The following INSR variants were observed in gnomAD, a reference collection of about 807,000 sequenced individuals.
INSR encodes the protein insulin receptor, also known as IR.
INSR carries 67 observed loss-of-function variants against 142.6 expected under a neutral mutation model. That is an observed-to-expected ratio of 0.47 (90% confidence interval 0.39 to 0.58). The LOEUF is 0.58. Among genes scored for constraint, INSR ranks in the 20% least tolerant of loss-of-function variants. The pLI is 0.00. For missense variants in INSR, 1,248 were observed against 1,833.2 expected, an observed-to-expected ratio of 0.68 and a Z score of 5.83; for synonymous variants, 756 against 743.1, an observed-to-expected ratio of 1.02 and a Z score of -0.28.
rs1972256339 is a variant in INSR at position 7,113,685 on chromosome 19, T to G, written c.*3371A>C. ...GTTGTTGCAACTTAACACTACAAAC[T>G]CCCAGGACAACCGTGTCTTTCTAGG... is the stretch of plus-strand genomic sequence containing the variant. On this transcript the variant is annotated 3_prime_UTR_variant, in exon 22 of 22. Coordinates refer to ENST00000302850, the MANE Select transcript of INSR (RefSeq NM_000208.4). 1 of 152,206 alleles carries G rather than the reference T, an allele frequency of 6.6e-6. No homozygotes were observed. Among genetic ancestry groups the G allele is most frequent in the South Asian group, 2.1e-4 (1 of 4,828 alleles). The allele number at this position is 152,206 out of a possible 1,614,324, so 9.4% of individuals were successfully genotyped here.
At chr19:7,223,858 A>G (rs1489961784) in intron 2 of INSR, among the ~76,000 whole-genome samples, 2 of 152,092 alleles carry the variant, frequency 1.3e-5, no homozygotes, top group Admixed American at 1.3e-4. Context: ...AGGTGCTTCA[A>G]AGCCCTCAAC....
At position 7,147,513 on chromosome 19, in the gene INSR, T is replaced by G. The variant is rs1460680412; in HGVS notation, c.2267+2984A>C. Among the ~76,000 whole-genome samples, 5 of 152,138 alleles carry G rather than the reference T, an allele frequency of 3.3e-5. No homozygotes were observed. In the East Asian group the frequency reaches 7.7e-4, roughly 23 times the overall value. On this transcript the variant is annotated intron_variant, in intron 11 of 21. Transcript: ENST00000302850. The stretch of plus-strand genomic sequence containing the variant: ...CTTTTAACCACCAAGAAGTGAAGTT[T>G]TCTGTTTAATCTTTTGAAATTAACT...
chr19:7,125,649 G>A lies in INSR; in HGVS notation c.3014-122C>T, dbSNP rs886700804. On this transcript the variant is annotated intron_variant, in intron 16 of 21. Transcript: ENST00000302850. This position sits in a 1 kb window ranked among gnomAD's most constrained non-coding sequence, Gnocchi z 4.9. The stretch of plus-strand genomic sequence containing the variant: ...CTCATGAAATGAGTTCTGTGATCCA[G>A]GACCCATGCCGGGCACTGGGCATAT... 10 of 1,361,844 alleles carry A rather than the reference G, an allele frequency of 7.3e-6. No individual in the cohort carries two copies. The highest frequency in any genetic ancestry group is 2.9e-5 in the African/African-American group (2 of 70,158). 84.4% of individuals were successfully genotyped at this position (1,361,844 alleles called of 1,614,324 possible).
chr19:7,190,615 C>T (rs1264698944), intron 2 of INSR, among the ~76,000 whole-genome samples: 1 of 152,078 alleles, frequency 6.6e-6, no homozygotes, highest in Non-Finnish European at 1.5e-5. Flanking sequence ...CGGGATCCAC[C>T]CATCTTGGCC....
chr19:7,255,361 T>C (rs183666929), intron 2 of INSR, among the ~76,000 whole-genome samples: 10 of 152,228 alleles, frequency 6.6e-5, no homozygotes, highest in Admixed American at 4.6e-4. Context: ...CATGACGGCA[T>C]TGGAGCCCAT....
chr19:7,237,929 C>A (rs1250254424), intron 2 of INSR, among the ~76,000 whole-genome samples: 1 of 151,960 alleles, frequency 6.6e-6, no homozygotes, highest in Non-Finnish European at 1.5e-5. Flanking sequence ...GAACTAATAT[C>A]CTCTCATCCC....
chr19:7,224,583 C>T (rs1419460802), intron 2 of INSR, among the ~76,000 whole-genome samples: 1 of 152,174 alleles, frequency 6.6e-6, no homozygotes, highest in African/African-American at 2.4e-5. Flanking sequence ...ACATCTCGAC[C>T]AGAGGAAGGA....
At chr19:7,238,617 C>CAAAAAAAAA (rs796144540) in intron 2 of INSR, among the ~76,000 whole-genome samples, 2 of 68,984 alleles carry the variant, frequency 2.9e-5, no homozygotes, top group Admixed American at 2.0e-4. Flanking sequence ...TGCTCCATCT[C>CAAAAAAAAA]AAAAAAAAAA....
rs777486535 is a variant in INSR at position 7,166,205 on chromosome 19, G to A, written c.1810C>T (p.Arg604Trp). 14 of 1,613,932 alleles carry A rather than the reference G, an allele frequency of 8.7e-6. No individual in the cohort carries two copies. The highest frequency in any genetic ancestry group is 1.1e-5 in the Non-Finnish European group (13 of 1,180,036). ...KTLVTFSDER[R>W]TYGAKSDIIY... ...ATGTCACTCTTGGCCCCATAGGTCC[G>A]GCGTTCATCCGAAAAGGTGACCAGG... is the stretch of plus-strand genomic sequence containing the variant. The change falls in exon 8 of 22, where the codon CGG becomes TGG. Residue 604 changes from arginine to tryptophan, a missense_variant. By Grantham distance (101) the Arg-to-Trp change is moderately radical. This residue lies in a region of INSR where 1,069 missense variants were observed against 1,654.0 expected (regional missense o/e 0.65). Transcript: ENST00000302850. This position sits in a 1 kb window ranked among gnomAD's most constrained non-coding sequence, Gnocchi z 4.1.
At chr19:7,174,029 T>A (rs1225890376) in intron 4 of INSR, among the ~76,000 whole-genome samples, 1 of 151,702 alleles carries the variant, frequency 6.6e-6, no homozygotes, top group Non-Finnish European at 1.5e-5. Flanking sequence ...ATGCCTGTAA[T>A]CCCTGCACTT....
chr19:7,137,798 CAAAAAAAAAAAAAA>C (rs1176523364), intron 13 of INSR, among the ~76,000 whole-genome samples: 1 of 41,482 alleles, frequency 2.4e-5, no homozygotes, highest in Non-Finnish European at 3.9e-5. Context: ...GACTCCATCT[CAAAAAAAAAAAAAA>C]AAAAAAAAAA....
intron 1 of INSR, among the ~76,000 whole-genome samples, chr19:7,270,212 TGCTGG>T (rs1428968349): frequency 6.6e-6 from 1 of 152,086 alleles, no homozygotes; most frequent in Non-Finnish European, 1.5e-5. Flanking sequence ...CCTCCCAAAT[TGCTGG>T]GATTACGGGC....
chr19:7,286,416 CG>C (rs1968345816), intron 1 of INSR, among the ~76,000 whole-genome samples: 2 of 151,848 alleles, frequency 1.3e-5, no homozygotes, highest in African/African-American at 4.8e-5. Context: ...GAGACAGGGT[CG>C]GGCTCTATCA....
Position 7,146,269 on chromosome 19 carries a change from T to C in INSR, c.2268-3179A>G, listed in dbSNP as rs147933535. 6.3e-3 allele frequency among the ~76,000 whole-genome samples: 914 copies of C among 145,870 alleles called. 10 individuals carry two copies. Among genetic ancestry groups the C allele is most frequent in the East Asian group, 0.039 (199 of 5,060 alleles). On this transcript the variant is annotated intron_variant, in intron 11 of 21. Coordinates refer to ENST00000302850, the MANE Select transcript of INSR (RefSeq NM_000208.4). ...TTTTTTTTTTTTTTTGAGACAGAGT[T>C]TTGCTCTGTTGCCAGGCTGGAGTGT... is the stretch of plus-strand genomic sequence containing the variant.
intron 10 of INSR, chr19:7,152,389 A>AG (rs1185588160): frequency 1.2e-5 from 4 of 340,458 alleles, no homozygotes; most frequent in African/African-American, 2.2e-5. Context: ...AAAAAAAAAA[A>AG]AAAAAGAGAG....
Position 7,294,368 on chromosome 19 carries a change from C to G in INSR, c.-477G>C, listed in dbSNP as rs900996571. Among the ~76,000 whole-genome samples, 10 of 151,552 alleles carry G rather than the reference C, an allele frequency of 6.6e-5. No individual in the cohort carries two copies. Among genetic ancestry groups the G allele is most frequent in the South Asian group, 2.1e-4 (1 of 4,816 alleles). On this transcript the variant is annotated 5_prime_UTR_variant, in exon 1 of 22. Transcript: ENST00000302850. The stretch of plus-strand genomic sequence containing the variant: ...GCTCGGGCCCGTAAACAACGCGGCC[C>G]GTCAGCTGGGCCCCGTGCGGGCCGC...
intron 2 of INSR, among the ~76,000 whole-genome samples, chr19:7,228,036 A>G (rs1192510261): frequency 6.6e-6 from 1 of 151,956 alleles, no homozygotes; most frequent in Non-Finnish European, 1.5e-5. Flanking sequence ...CTCTCAGGGC[A>G]CAAGAAACAG....
Position 7,271,041 on chromosome 19 carries a change from G to A in INSR, c.101-3145C>T, listed in dbSNP as rs1216262822. The stretch of plus-strand genomic sequence containing the variant: ...CACACCACTGCACTCCAGCCTGGGC[G>A]ATGGAGCAAGACTCTGTCTCAAAAA... On this transcript the variant is annotated intron_variant, in intron 1 of 21. Coordinates refer to ENST00000302850, the MANE Select transcript of INSR (RefSeq NM_000208.4). 3.3e-5 allele frequency among the ~76,000 whole-genome samples: 5 copies of A among 151,652 alleles called. No individual in the cohort carries two copies. The East Asian group carries it at 7.7e-4, about 23-fold the overall frequency.
chr19:7,142,314 A>G (rs1345622989), intron 12 of INSR, among the ~76,000 whole-genome samples: 1 of 141,448 alleles, frequency 7.1e-6, no homozygotes, highest in African/African-American at 2.7e-5. Flanking sequence ...TGCTTGAACC[A>G]GGGAGGCGGA....
Sources: allele counts gnomAD v4.1 joint callset (sites outside exome capture counted in the v4.1 genomes callset), GRCh38; gene constraint gnomAD v4.1.1; regional missense constraint gnomAD v4.1.1; non-coding constraint Gnocchi (gnomAD v3.1); transcripts MANE v1.5; gene names NCBI Gene and HGNC (gene_info 2026-07-23, HGNC 2026-07-21).